The following CCNDBP1 variants were observed in gnomAD, a reference collection of about 807,000 sequenced individuals.
The protein encoded by CCNDBP1 is cyclin D1 binding protein 1, also known as cyclin-D1-binding protein 1.
Under a neutral mutation model 46.2 loss-of-function variants are expected in CCNDBP1, and 45 were observed. The observed-to-expected ratio is 0.97, with a 90% CI of 0.77 to 1.25. CCNDBP1 has a LOEUF of 1.25. CCNDBP1 is among the 50% of genes most tolerant of loss of function. The probability of loss-of-function intolerance (pLI) is 0.00; values close to 1 mark genes in which losing one functional copy is unlikely to be tolerated. For synonymous variants in CCNDBP1, 154 were observed against 163.6 expected (o/e 0.94, Z 0.45); for missense variants, 436 against 442.1 (o/e 0.99, Z 0.12).
chr15:43,185,626 A>G lies in CCNDBP1; in HGVS notation c.109+19A>G. Reference sequence around the variant, plus strand: ...GTGCGGGGTGAGCTGACGGAGTTAGAACGGGCGACGGCAGGGGCGGGCTCG... The same window carrying G: ...GTGCGGGGTGAGCTGACGGAGTTAGGACGGGCGACGGCAGGGGCGGGCTCG... On this transcript the variant is annotated intron_variant, in intron 1 of 10. Coordinates refer to ENST00000300213, the MANE Select transcript of CCNDBP1 (RefSeq NM_012142.5). 1 of 1,466,514 alleles carries G rather than the reference A, an allele frequency of 6.8e-7. No homozygotes were observed. Among genetic ancestry groups the G allele is most frequent in the Non-Finnish European group, 9.2e-7 (1 of 1,086,982 alleles). The allele number at this position is 1,466,514 out of a possible 1,614,324, so 90.8% of individuals were successfully genotyped here. A position where few individuals can be genotyped will look rare whatever the true frequency, so the allele number is the denominator to read the frequency against.
chr15:43,187,045 T>A (rs1331410215), intron 3 of CCNDBP1, among the ~76,000 whole-genome samples: 1 of 152,224 alleles, frequency 6.6e-6, no homozygotes. Flanking sequence ...AAAGTAAACA[T>A]GTTGGCTATG....
chr15:43,192,658 C>T, intron 8 of CCNDBP1, 85 bp from the exon 9 acceptor site: 1 of 1,233,540 alleles, frequency 8.1e-7, no homozygotes, highest in Non-Finnish European at 1.2e-6. Context: ...GGGACAGTTT[C>T]TCACTGTTGA....
At chr15:43,192,922 A>G in intron 9 of CCNDBP1, 119 bp downstream of exon 9, 1 of 895,070 alleles carries the variant, frequency 1.1e-6, no homozygotes, top group Non-Finnish European at 1.9e-6. Context: ...TGGAAGTACA[A>G]CAGTAATGTC....
At chr15:43,190,680 G>C (rs1321298668) in intron 6 of CCNDBP1, among the ~76,000 whole-genome samples, 1 of 152,126 alleles carries the variant, frequency 6.6e-6, no homozygotes, top group African/African-American at 2.4e-5. Flanking sequence ...GCACACTGAA[G>C]CAGTTATGAG....
intron 3 of CCNDBP1, 39 bp from the exon 4 acceptor site, chr15:43,189,160 G>T (rs752244291): frequency 9.3e-7 from 1 of 1,073,454 alleles, no homozygotes; most frequent in Non-Finnish European, 1.4e-6. Flanking sequence ...ACAGCAGAAG[G>T]GTTGACCACT....
intron 8 of CCNDBP1, among the ~76,000 whole-genome samples, chr15:43,191,978 T>G (rs1263794519): frequency 6.6e-6 from 1 of 152,242 alleles, no homozygotes; most frequent in East Asian, 1.9e-4. Context: ...ATGTATCTCC[T>G]GAAGTACTCT....
intron 8 of CCNDBP1, among the ~76,000 whole-genome samples, chr15:43,192,394 C>G (rs2041968410): frequency 6.6e-6 from 1 of 152,194 alleles, no homozygotes; most frequent in Admixed American, 6.5e-5. Context: ...GTGGTGCTCA[C>G]TTTAGTAAAG....
chr15:43,194,977 C>T lies in CCNDBP1; in HGVS notation c.*136C>T. 1 of 584,154 alleles carries T rather than the reference C, an allele frequency of 1.7e-6. No individual in the cohort carries two copies. The allele number at this position is 584,154 out of a possible 1,614,324, so 36.2% of individuals were successfully genotyped here. A position where few individuals can be genotyped will look rare whatever the true frequency, so the allele number is the denominator to read the frequency against. On this transcript the variant is annotated 3_prime_UTR_variant, in exon 11 of 11. Transcript: ENST00000300213. Reference sequence around the variant, plus strand: ...CTATATTTAGCAAGAGACACTATTACCAAAGATTGTTGGTTAGGCCAGATT... The same window carrying T: ...CTATATTTAGCAAGAGACACTATTATCAAAGATTGTTGGTTAGGCCAGATT...
In CCNDBP1 at chr15:43,191,380, C is replaced by T; in HGVS notation, c.580-15C>T. ...TTTTTTTTTTTGCATTCACATACATCATGGTATGTCTTAGGCTGTGGAAGA... is the reference window on the plus strand; with the variant it reads ...TTTTTTTTTTTGCATTCACATACATTATGGTATGTCTTAGGCTGTGGAAGA... On this transcript the variant is annotated splice_polypyrimidine_tract_variant and intron_variant, in intron 7 of 10. Transcript: ENST00000300213. The T allele has an allele frequency of 1.5e-6, 1 of 676,594 alleles. No individual in the cohort carries two copies. Among genetic ancestry groups the T allele is most frequent in the Non-Finnish European group, 2.4e-6 (1 of 423,886 alleles). 41.9% of individuals were successfully genotyped at this position (676,594 alleles called of 1,614,324 possible).
rs761003395 is a variant in CCNDBP1, at chr15:43,190,351, A to G, written c.455A>G (p.Tyr152Cys). 16 of 1,614,060 alleles carry G rather than the reference A, an allele frequency of 9.9e-6. No homozygotes were observed. Among genetic ancestry groups the G allele is most frequent in the Non-Finnish European group, 1.2e-5 (14 of 1,180,036 alleles). ...QSPENNDLIS[Y>C]NSVWVACQQM... is the part of the protein sequence containing the mutation. ...CCTGAGAACAATGACCTTATTTCCT[A>G]CAACAGTGTCTGGGTTGCGTGCCAG... is the stretch of plus-strand genomic sequence containing the variant. Residue 152 changes from tyrosine to cysteine, a missense_variant, in exon 6 of 11, where the codon TAC becomes TGC. Coordinates refer to ENST00000300213, the MANE Select transcript of CCNDBP1 (RefSeq NM_012142.5).
intron 8 of CCNDBP1, 108 bp downstream of exon 8, chr15:43,191,783 C>T (rs1160949410): frequency 7.5e-7 from 1 of 1,326,200 alleles, no homozygotes; most frequent in Admixed American, 2.5e-5. Context: ...ATTTTTCAAA[C>T]CTATAGGAAA....
At chr15:43,186,444 T>C (rs920739029) in intron 3 of CCNDBP1, among the ~76,000 whole-genome samples, 1 of 152,268 alleles carries the variant, frequency 6.6e-6, no homozygotes, top group Non-Finnish European at 1.5e-5. Context: ...AAATATTGGT[T>C]CAGTCTGAAG....
At chr15:43,186,331 T>A in intron 3 of CCNDBP1, 98 bp downstream of exon 3, 1 of 953,780 alleles carries the variant, frequency 1.0e-6, no homozygotes, top group Non-Finnish European at 1.6e-6. Flanking sequence ...AGGAGATTTC[T>A]TTTCTTCATC....
At chr15:43,193,373 T>C (rs2041990648) in intron 9 of CCNDBP1, 1 of 125,660 alleles carries the variant, frequency 8.0e-6, no homozygotes. Context: ...AAAGCTTCTT[T>C]GAAAAGAAAG....
chr15:43,189,929 G>A (rs1474199), intron 4 of CCNDBP1, 126 bp from the exon 5 acceptor site: 9,017 of 732,560 alleles, frequency 0.012, 492 homozygotes, highest in African/African-American at 0.12. Flanking sequence ...TGAGTTTTGT[G>A]TTAGCATGTA....
At chr15:43,191,743 A>G in intron 8 of CCNDBP1, 68 bp downstream of exon 8, 1 of 1,520,926 alleles carries the variant, frequency 6.6e-7, no homozygotes, top group Non-Finnish European at 8.8e-7. Context: ...TTGTCACCTC[A>G]AGGTTTTCAC....
At position 43,189,077 on chromosome 15, in the gene CCNDBP1, CAAAA is replaced by C. The variant is rs763476042; in HGVS notation, c.250-98_250-95del. On this transcript the variant is annotated intron_variant, in intron 3 of 10. Transcript: ENST00000300213. ...TGGGTGACAGAGTGAGACTCTGTCT[CAAAA>C]AAAAAAAAAAAAAAAAAAAAAAAGA... 292 of 151,974 alleles carry C rather than the reference CAAAA, an allele frequency of 1.9e-3. 1 individual carries two copies. Among genetic ancestry groups the C allele is most frequent in the African/African-American group, 5.6e-3 (36 of 6,402 alleles). 9.4% of individuals were successfully genotyped at this position (151,974 alleles called of 1,614,324 possible). A position where few individuals can be genotyped will look rare whatever the true frequency, so the allele number is the denominator to read the frequency against.
In CCNDBP1 at chr15:43,191,508, G is replaced by C. The variant is rs761811013; in HGVS notation, c.693G>C (p.Leu231Phe). ...DVLGFPSNQDLYWSEDDQELI... is the reference protein window; with the variant it reads ...DVLGFPSNQDFYWSEDDQELI... ...TGGGGTTTCCCAGCAATCAGGACTT[G>C]TATTGGTCAGAGGACGATCAAGAGC... Residue 231 changes from leucine to phenylalanine, a missense_variant, in exon 8 of 11, where the codon TTG (leucine) becomes TTC (phenylalanine). Transcript: ENST00000300213. The C allele has an allele frequency of 1.2e-6, 2 of 1,614,000 alleles. No individual in the cohort carries two copies. The highest frequency in any genetic ancestry group is 4.5e-5 in the East Asian group (2 of 44,884).
rs1567263770 is a variant in CCNDBP1 at position 43,190,965 on chromosome 15, G to T, written c.503-1G>T. ...TAGTGCTTCTGATTTTTCACTCATAGATAACAAAGCTGCAGCTCTTTTGAT... is the reference window on the plus strand; with the variant it reads ...TAGTGCTTCTGATTTTTCACTCATATATAACAAAGCTGCAGCTCTTTTGAT... On this transcript the variant is annotated splice_acceptor_variant, in intron 6 of 10. Coordinates refer to ENST00000300213, the MANE Select transcript of CCNDBP1 (RefSeq NM_012142.5). LOFTEE classifies it high-confidence loss of function. 2 of 1,613,274 alleles carry T rather than the reference G, an allele frequency of 1.2e-6. No homozygotes were observed. Among genetic ancestry groups the T allele is most frequent in the Admixed American group, 1.7e-5 (1 of 60,030 alleles).
Sources: gnomAD v4.1 joint callset for allele counts (sites outside exome capture counted in the v4.1 genomes callset) on GRCh38, gnomAD v4.1.1 for gene constraint, MANE v1.5 for transcripts, NCBI Gene and HGNC (gene_info 2026-07-23, HGNC 2026-07-21) for gene names.